DNAH10: variants seen among roughly 807,000 people sequenced by gnomAD.
The protein encoded by DNAH10 is dynein axonemal heavy chain 10, also known as axonemal beta dynein heavy chain 10.
Under a neutral mutation model 506.6 loss-of-function variants are expected in DNAH10, and 348 were observed. The ratio of observed to expected loss-of-function variants is 0.69; its 90% CI spans 0.63 to 0.75. The LOEUF is 0.75. Ranked by LOEUF, DNAH10 falls within the 30% of genes least tolerant of loss-of-function variation. The probability of loss-of-function intolerance (pLI) is 0.00; values close to 1 mark genes in which losing one functional copy is unlikely to be tolerated. For synonymous variants in DNAH10, 2,059 were observed against 2,198.6 expected, an observed-to-expected ratio of 0.94 and a Z score of 1.78; for missense variants, 5,179 against 5,787.1, an observed-to-expected ratio of 0.89 and a Z score of 3.41.
chr12:123,932,475 T>A (rs1955261298), intron 76 of DNAH10: 1 of 194,070 alleles, frequency 5.2e-6, no homozygotes, highest in African/African-American at 2.7e-5. Flanking sequence ...ATTTCGGTGG[T>A]TACCATTTTT....
chr12:123,886,777 C>G lies in DNAH10; in HGVS notation c.8824-365C>G, dbSNP rs545518724. On this transcript the variant is annotated intron_variant, in intron 51 of 78. Transcript: ENST00000673944. ...AAAAAGCGTGCTTTAAACTTATGTC[C>G]TTATTCACATTTACATCGATTTCGT... is the stretch of plus-strand genomic sequence containing the variant. 1.1e-4 allele frequency among the ~76,000 whole-genome samples: 17 copies of G among 152,320 alleles called. No individual in the cohort carries two copies. The South Asian group carries it at 3.3e-3, about 30-fold the overall frequency.
intron 76 of DNAH10, chr12:123,932,665 G>A (rs1955273495): frequency 6.5e-6 from 1 of 153,282 alleles, no homozygotes. Flanking sequence ...GTCTATGAGA[G>A]TGCTTCTTTC....
intron 78 of DNAH10, 32 bp from the exon 79 acceptor site, chr12:123,935,303 G>C (rs556125470): frequency 6.3e-7 from 1 of 1,590,606 alleles, no homozygotes; most frequent in Non-Finnish European, 8.6e-7. Context: ...CCCTCTCTCC[G>C]TGGGGGCATC....
intron 52 of DNAH10, among the ~76,000 whole-genome samples, chr12:123,888,029 C>T (rs1042346560): frequency 1.3e-5 from 2 of 152,154 alleles, no homozygotes; most frequent in African/African-American, 4.8e-5. Context: ...CAGGCGTGAG[C>T]CACCGTGCCT....
chr12:123,835,834 A>G (rs1162788829), intron 28 of DNAH10, among the ~76,000 whole-genome samples: 2 of 152,180 alleles, frequency 1.3e-5, no homozygotes, highest in Non-Finnish European at 2.9e-5. Context: ...TATGTTGTCC[A>G]GGCTGGTCTC....
At chr12:123,923,965 C>T (rs1954834671) in intron 66 of DNAH10, 98 bp downstream of exon 66, 1 of 979,828 alleles carries the variant, frequency 1.0e-6, no homozygotes, top group East Asian at 2.6e-5. Context: ...AAAAATTCTC[C>T]TTAAAACTTG....
chr12:123,908,356 A>G (rs1168335666), intron 57 of DNAH10: 2 of 455,854 alleles, frequency 4.4e-6, no homozygotes, highest in Non-Finnish European at 4.4e-6. Context: ...CCAGAGCACA[A>G]ATGCCTGGGC....
chr12:123,845,642 C>T lies in DNAH10; in HGVS notation c.5403C>T (p.Ala1801=), dbSNP rs7969440. The change falls in exon 31 of 79, where the codon GCC becomes GCT. Residue 1801 remains alanine, a synonymous_variant. Transcript: ENST00000673944. ...TGTACCAGGGCATGGTGGTGCTGGC[C>T]GCTAGCCAGGTGTGGTGGACCTGGG... ...MLLYQGMVVL[A]ASQVWWTWEV... 38,058 of 1,613,314 alleles carry T rather than the reference C, an allele frequency of 0.024. 3,504 individuals carry two copies. In the African/African-American group the frequency reaches 0.29, roughly 12 times the overall value.
intron 5 of DNAH10, among the ~76,000 whole-genome samples, chr12:123,779,648 T>C (rs1225073742): frequency 1.2e-4 from 19 of 152,074 alleles, no homozygotes; most frequent in Admixed American, 1.0e-3. Context: ...AAGAATTTGA[T>C]TCCTGATGGA....
rs934439297 is a variant in DNAH10 at position 123,846,054 on chromosome 12, A to G, written c.5714A>G (p.Gln1905Arg). The G allele has an allele frequency of 6.2e-7, 1 of 1,613,990 alleles. No homozygotes were observed. Among genetic ancestry groups the G allele is most frequent in the Non-Finnish European group, 8.5e-7 (1 of 1,179,892 alleles). Residue 1905 changes from glutamine to arginine, a missense_variant, in exon 32 of 79, where the codon CAG becomes CGG. Coordinates refer to ENST00000673944, the MANE Select transcript of DNAH10 (RefSeq NM_001372106.1). The surrounding 1 kb of genome is among the most constrained non-coding windows in gnomAD (Gnocchi z 4.5). ...DREPDELNIR[Q>R]CTGTFGYGYE... ...GAGCCGGATGAGCTGAACATCCGCC[A>G]GTGCACGGGAACCTTTGGCTACGGC...
rs928048954 is a variant in DNAH10, at chr12:123,929,310, C to T, written c.12342C>T (p.Asn4114=). The change falls in exon 71 of 79, where the codon AAC becomes AAT. Residue 4114 remains asparagine, a synonymous_variant. Coordinates refer to ENST00000673944, the MANE Select transcript of DNAH10 (RefSeq NM_001372106.1). ...AGCCACCCAATGGGCTGAAACTCAA[C>T]ATGAGGGCAACTTACTTCAAGATCT... ...VTEPPNGLKL[N]MRATYFKISH... is the part of the protein sequence containing the mutation. 1 of 1,604,178 alleles carries T rather than the reference C, an allele frequency of 6.2e-7. No homozygotes were observed. The highest frequency in any genetic ancestry group is 8.5e-7 in the Non-Finnish European group (1 of 1,175,530).
At chr12:123,872,293 C>T (rs1277631901) in intron 45 of DNAH10, among the ~76,000 whole-genome samples, 3 of 152,162 alleles carry the variant, frequency 2.0e-5, no homozygotes. Context: ...AAGATCTGTT[C>T]TGTAGGGATT....
chr12:123,851,651 G>A (rs561151008), intron 35 of DNAH10, among the ~76,000 whole-genome samples: 2 of 152,376 alleles, frequency 1.3e-5, no homozygotes, highest in East Asian at 3.9e-4. Context: ...TGTAGACGTT[G>A]TGTGGATTTC....
In DNAH10 at chr12:123,790,133, G is replaced by A. The variant is rs772797844; in HGVS notation, c.1815+12G>A. The A allele has an allele frequency of 9.9e-6, 16 of 1,612,398 alleles. No homozygotes were observed. The highest frequency in any genetic ancestry group is 3.3e-5 in the South Asian group (3 of 90,912). ...AGATTGAAGTTCTGGCAAGTGACAC[G>A]TCCATTGAGTCCATCTTGGGAGTCG... On this transcript the variant is annotated intron_variant, in intron 11 of 78. Coordinates refer to ENST00000673944, the MANE Select transcript of DNAH10 (RefSeq NM_001372106.1).
At position 123,934,675 on chromosome 12, in the gene DNAH10, G is replaced by A. The variant is rs1350623149; in HGVS notation, c.13532G>A (p.Gly4511Glu). The stretch of plus-strand genomic sequence containing the variant: ...GGTGCTGACTGGGATATAGAAAAAG[G>A]ATGTCTTATCAAGAGCAAACCCAAG... ...LEGADWDIEKGCLIKSKPKVL... is the reference protein window; with the variant it reads ...LEGADWDIEKECLIKSKPKVL... Residue 4511 changes from glycine (G) to glutamate (E), a missense_variant, in exon 78 of 79, where the codon GGA becomes GAA. Physicochemically the swap from Gly to Glu is moderately conservative, Grantham distance 98. Around this residue, in one of 3 missense-constraint regions of DNAH10, gnomAD observed 4,844 missense variants for 5,430.5 expected, o/e 0.89. Transcript: ENST00000673944. 1.2e-5 allele frequency: 20 copies of A among 1,613,762 alleles called. No homozygotes were observed. Among genetic ancestry groups the A allele is most frequent in the Non-Finnish European group, 1.7e-5 (20 of 1,179,794 alleles).
At chr12:123,801,875 C>G (rs1958494043) in intron 16 of DNAH10, among the ~76,000 whole-genome samples, 1 of 152,204 alleles carries the variant, frequency 6.6e-6, no homozygotes, top group Non-Finnish European at 1.5e-5. Flanking sequence ...TTCAACACCA[C>G]AGCGAGTACT....
chr12:123,867,088 T>C (rs1186377144), intron 41 of DNAH10, among the ~76,000 whole-genome samples: 4 of 152,186 alleles, frequency 2.6e-5, no homozygotes, highest in Admixed American at 2.6e-4. Flanking sequence ...TTGCAATCCC[T>C]GGTGGTGATT....
At chr12:123,847,935 T>C (rs1182477845) in intron 32 of DNAH10, 26 bp from the exon 33 acceptor site, 4 of 1,518,974 alleles carry the variant, frequency 2.6e-6, no homozygotes, top group Non-Finnish European at 3.5e-6. Context: ...CCAGAAAACA[T>C]ATGTTTTGCA....
Position 123,771,025 on chromosome 12 carries a change from A to G in DNAH10, c.299-576A>G, listed in dbSNP as rs1250886972. Among the ~76,000 whole-genome samples, 10 of 135,870 alleles carry G rather than the reference A, an allele frequency of 7.4e-5. No individual in the cohort carries two copies. In the East Asian group the frequency reaches 2.2e-3, roughly 30 times the overall value. The allele number at this position is 135,870 out of a possible 152,430, so 89.1% of individuals were successfully genotyped here. ...AGTCTCGCTCTGCCACCCAGGCTGC[A>G]GTGGCACAATCTTGGCTCATTGCAA... On this transcript the variant is annotated intron_variant, in intron 2 of 78. Transcript: ENST00000673944.
Sources: allele counts gnomAD v4.1 joint callset (sites outside exome capture counted in the v4.1 genomes callset), GRCh38; gene constraint gnomAD v4.1.1; regional missense constraint gnomAD v4.1.1; non-coding constraint Gnocchi (gnomAD v3.1); transcripts MANE v1.5; gene names NCBI Gene and HGNC (gene_info 2026-07-23, HGNC 2026-07-21).